Variants in TMEM178B observed in about 807,000 individuals in gnomAD.
TMEM178B encodes transmembrane protein 178B.
TMEM178B carries 5 observed loss-of-function variants against 31.0 expected under a neutral mutation model. The observed-to-expected ratio is 0.16, with a 90% CI of 0.08 to 0.34. TMEM178B has a LOEUF of 0.34. Ranked by LOEUF, TMEM178B falls within the 10% of genes least tolerant of loss-of-function variation. The pLI is 1.00. For synonymous variants in TMEM178B, 164 were observed against 164.0 expected (o/e 1.00, Z 0.00); for missense variants, 275 against 400.3 (o/e 0.69, Z 2.67).
In TMEM178B at chr7:141,470,621, C is replaced by T; in HGVS notation, c.720C>T (p.Leu240=). 1.3e-6 allele frequency: 2 copies of T among 1,535,474 alleles called. No individual in the cohort carries two copies. Among genetic ancestry groups the T allele is most frequent in the Non-Finnish European group, 1.7e-6 (2 of 1,146,722 alleles). Residue 240 remains leucine (L), a synonymous_variant, in exon 4 of 4, where the codon CTC becomes CTT. Coordinates refer to ENST00000565468, the MANE Select transcript of TMEM178B (RefSeq NM_001195278.2). ...LSRYPRYLYG[L]PDDISHGYGW... is the part of the protein sequence containing the mutation. ...GCTACCCACGCTACCTGTACGGACT[C>T]CCTGATGACATCAGCCATGGCTATG...
At chr7:141,315,330 G>A (rs1023450619) in intron 2 of TMEM178B, among the ~76,000 whole-genome samples, 2 of 151,958 alleles carry the variant, frequency 1.3e-5, no homozygotes, top group Admixed American at 6.6e-5. Flanking sequence ...ACCATTTTCG[G>A]GCCATCATTA....
intron 2 of TMEM178B, among the ~76,000 whole-genome samples, chr7:141,374,542 C>G (rs1800176951): frequency 6.6e-6 from 1 of 152,194 alleles, no homozygotes; most frequent in Non-Finnish European, 1.5e-5. Flanking sequence ...TAGAGGTAGA[C>G]TTGGAGTGAG....
At chr7:141,376,127 C>T (rs1414927307) in intron 2 of TMEM178B, among the ~76,000 whole-genome samples, 6 of 152,210 alleles carry the variant, frequency 3.9e-5, no homozygotes, top group Non-Finnish European at 8.8e-5. Flanking sequence ...ATGCTTCAGC[C>T]AGACTTCCTG....
chr7:141,223,079 C>T (rs1473653581), intron 2 of TMEM178B, among the ~76,000 whole-genome samples: 3 of 152,120 alleles, frequency 2.0e-5, no homozygotes, highest in South Asian at 2.1e-4. Flanking sequence ...CCAAAAGACT[C>T]GCCTGTCTAG....
At chr7:141,086,669 A>G (rs1008859770) in intron 1 of TMEM178B, among the ~76,000 whole-genome samples, 1 of 152,304 alleles carries the variant, frequency 6.6e-6, no homozygotes, top group African/African-American at 2.4e-5. Context: ...AAAGGGTGCC[A>G]GGGAACTTCC....
In TMEM178B at chr7:141,344,777, C is replaced by A. The variant is rs115238504; in HGVS notation, c.497-92831C>A. On this transcript the variant is annotated intron_variant, in intron 2 of 3. Transcript: ENST00000565468. This position sits in a 1 kb window ranked among gnomAD's most constrained non-coding sequence, Gnocchi z 4.1. Reference sequence around the variant, plus strand: ...AAAATCAGTTTGAATACTACTGGGGCTTGTAAAGATTTCAAACTTTTGGAA... The same window carrying A: ...AAAATCAGTTTGAATACTACTGGGGATTGTAAAGATTTCAAACTTTTGGAA... Among the ~76,000 whole-genome samples, 725 of 152,290 alleles carry A rather than the reference C, an allele frequency of 4.8e-3. 6 individuals are homozygous for A. The highest frequency in any genetic ancestry group is 0.019 in the South Asian group (91 of 4,824).
chr7:141,246,131 C>T (rs928011491), intron 2 of TMEM178B, among the ~76,000 whole-genome samples: 3 of 152,072 alleles, frequency 2.0e-5, no homozygotes, highest in Non-Finnish European at 4.4e-5. Context: ...GGGGATGAGT[C>T]TGAATAAGAA....
In TMEM178B at chr7:141,422,340, A is replaced by G. The variant is rs545272329; in HGVS notation, c.497-15268A>G. ...TGCAGGAATTGGTGTTGCACCATTG[A>G]TTGTCTCCTGATGTGGGGAGGACAC... is the stretch of plus-strand genomic sequence containing the variant. On this transcript the variant is annotated intron_variant, in intron 2 of 3. Coordinates refer to ENST00000565468, the MANE Select transcript of TMEM178B (RefSeq NM_001195278.2). This position sits in a 1 kb window ranked among gnomAD's most constrained non-coding sequence, Gnocchi z 4.2. Among the ~76,000 whole-genome samples the G allele has an allele frequency of 1.2e-4, 18 of 152,254 alleles. No homozygotes were observed. In the South Asian group the frequency reaches 3.7e-3, roughly 32 times the overall value.
chr7:141,150,749 G>A lies in TMEM178B; in HGVS notation c.383-61842G>A, dbSNP rs139504907. Reference sequence around the variant, plus strand: ...AAATGAGTGAGTCCAAGTGAGACCAGCAGAACTGCCTAGTCAGCCGACAAG... The same window carrying A: ...AAATGAGTGAGTCCAAGTGAGACCAACAGAACTGCCTAGTCAGCCGACAAG... On this transcript the variant is annotated intron_variant, in intron 1 of 3. Transcript: ENST00000565468. 3.7e-3 allele frequency among the ~76,000 whole-genome samples: 562 copies of A among 152,354 alleles called. 1 individual carries two copies. The highest frequency in any genetic ancestry group is 0.013 in the African/African-American group (534 of 41,592).
intron 1 of TMEM178B, among the ~76,000 whole-genome samples, chr7:141,174,104 C>T (rs1796388917): frequency 6.6e-6 from 1 of 152,124 alleles, no homozygotes; most frequent in Non-Finnish European, 1.5e-5. Flanking sequence ...GCTATCGCTC[C>T]CCTAGCACCA....
intron 2 of TMEM178B, among the ~76,000 whole-genome samples, chr7:141,363,161 G>T (rs1255347537): frequency 2.0e-5 from 3 of 152,204 alleles, no homozygotes; most frequent in Non-Finnish European, 4.4e-5. Flanking sequence ...AAAAAAGAGC[G>T]AGCGAGTGTT....
intron 2 of TMEM178B, among the ~76,000 whole-genome samples, chr7:141,265,477 G>T (rs1236506721): frequency 6.6e-6 from 1 of 152,134 alleles, no homozygotes; most frequent in Non-Finnish European, 1.5e-5. Flanking sequence ...ATCTTTCTGG[G>T]GTGGGACTCA....
intron 1 of TMEM178B, among the ~76,000 whole-genome samples, chr7:141,129,689 G>C (rs887570543): frequency 2.0e-5 from 3 of 152,172 alleles, no homozygotes; most frequent in African/African-American, 7.2e-5. Flanking sequence ...GAGTGACCAT[G>C]GCCCATGATA....
intron 1 of TMEM178B, among the ~76,000 whole-genome samples, chr7:141,106,914 C>T (rs559479737): frequency 1.3e-5 from 2 of 152,230 alleles, no homozygotes; most frequent in South Asian, 4.2e-4. Flanking sequence ...GCCTAGTATT[C>T]CAATGGGGAG....
chr7:141,448,084 G>A (rs1479273326), intron 3 of TMEM178B, among the ~76,000 whole-genome samples: 1 of 151,824 alleles, frequency 6.6e-6, no homozygotes, highest in East Asian at 1.9e-4. Context: ...CTGTGCTTAA[G>A]ACCACCGCTT....
chr7:141,341,471 T>C (rs186904920), intron 2 of TMEM178B, among the ~76,000 whole-genome samples: 125 of 152,278 alleles, frequency 8.2e-4, no homozygotes, highest in African/African-American at 2.8e-3. Context: ...AAGAAAAGCA[T>C]CAACCCATCA....
chr7:141,234,692 A>G (rs1797499117), intron 2 of TMEM178B, among the ~76,000 whole-genome samples: 1 of 152,136 alleles, frequency 6.6e-6, no homozygotes. Context: ...TTCCCCTTGC[A>G]TCTTCTTGTA....
intron 2 of TMEM178B, among the ~76,000 whole-genome samples, chr7:141,375,108 C>T (rs1800189975): frequency 6.6e-6 from 1 of 152,192 alleles, no homozygotes; most frequent in Non-Finnish European, 1.5e-5. Context: ...ACAGTTCATC[C>T]TCTCACTTGA....
chr7:141,323,109 GTTAAGTTT>G (rs1799130110), intron 2 of TMEM178B, among the ~76,000 whole-genome samples: 1 of 152,180 alleles, frequency 6.6e-6, no homozygotes, highest in African/African-American at 2.4e-5. Flanking sequence ...TTCACAGAAT[GTTAAGTTT>G]AGTCAGGCTC....
Sources: allele counts gnomAD v4.1 joint callset (sites outside exome capture counted in the v4.1 genomes callset), GRCh38; gene constraint gnomAD v4.1.1; non-coding constraint Gnocchi (gnomAD v3.1); transcripts MANE v1.5; gene names NCBI Gene and HGNC (gene_info 2026-07-23, HGNC 2026-07-21).